The following TRAPPC9 variants were observed in gnomAD, a reference collection of about 807,000 sequenced individuals.
TRAPPC9 encodes the protein trafficking protein particle complex subunit 9.
TRAPPC9 carries 83 observed loss-of-function variants against 124.0 expected under a neutral mutation model. The ratio of observed to expected loss-of-function variants is 0.67; its 90% confidence interval spans 0.56 to 0.80. The LOEUF is 0.80. Among genes scored for constraint, TRAPPC9 ranks in the 30% least tolerant of loss-of-function variants. The pLI is 0.00. For missense variants in TRAPPC9, 1,302 were observed against 1,508.3 expected (o/e 0.86, Z 2.27); for synonymous variants, 638 against 617.5 (o/e 1.03, Z -0.49).
chr8:139,831,923 C>T (rs922899317), intron 21 of TRAPPC9, among the ~76,000 whole-genome samples: 1 of 152,206 alleles, frequency 6.6e-6, no homozygotes, highest in Non-Finnish European at 1.5e-5. Flanking sequence ...CCTTGAGTAG[C>T]CCCATTGTCC....
At chr8:140,372,028 A>G (rs2068296866) in intron 7 of TRAPPC9, among the ~76,000 whole-genome samples, 1 of 152,172 alleles carries the variant, frequency 6.6e-6, no homozygotes, top group African/African-American at 2.4e-5. Context: ...TTCAGCACCT[A>G]CTGTATGGCA....
At chr8:140,221,123 A>G (rs2063329116) in intron 17 of TRAPPC9, among the ~76,000 whole-genome samples, 1 of 152,236 alleles carries the variant, frequency 6.6e-6, no homozygotes, top group African/African-American at 2.4e-5. Flanking sequence ...AAAAATGTAC[A>G]GGGTAAACAT....
intron 21 of TRAPPC9, among the ~76,000 whole-genome samples, chr8:139,833,572 C>T (rs964324274): frequency 4.6e-5 from 7 of 152,250 alleles, no homozygotes; most frequent in South Asian, 2.1e-4. Context: ...TTTCCTTACT[C>T]GAAGCGGAGG....
chr8:140,081,424 C>T (rs1057145187), intron 17 of TRAPPC9, among the ~76,000 whole-genome samples: 4 of 148,378 alleles, frequency 2.7e-5, no homozygotes, highest in African/African-American at 4.9e-5. Context: ...CAGCTCACTA[C>T]GACCTCCGCC....
chr8:139,808,717 G>A (rs1824231593), intron 21 of TRAPPC9, among the ~76,000 whole-genome samples: 1 of 152,010 alleles, frequency 6.6e-6, no homozygotes, highest in Non-Finnish European at 1.5e-5. Flanking sequence ...GCATAATATG[G>A]GGCCTTTTGT....
At chr8:140,108,196 T>C (rs1242204979) in intron 17 of TRAPPC9, among the ~76,000 whole-genome samples, 1 of 152,066 alleles carries the variant, frequency 6.6e-6, no homozygotes, top group East Asian at 1.9e-4. Context: ...AGAAGGTAAA[T>C]AGCCAACTAC....
At chr8:139,878,865 C>T (rs1183619930) in intron 21 of TRAPPC9, among the ~76,000 whole-genome samples, 2 of 152,240 alleles carry the variant, frequency 1.3e-5, no homozygotes, top group South Asian at 2.1e-4. Flanking sequence ...GCGAGAGGAT[C>T]GCTGAGCCCA....
At chr8:139,847,458 AAT>A (rs1563859949) in intron 21 of TRAPPC9, among the ~76,000 whole-genome samples, 1 of 152,152 alleles carries the variant, frequency 6.6e-6, no homozygotes, top group Non-Finnish European at 1.5e-5. Flanking sequence ...CTTGCAGACC[AAT>A]GAGGAAACCC....
At chr8:140,419,219 G>C (rs991867982) in intron 5 of TRAPPC9, among the ~76,000 whole-genome samples, 1 of 152,104 alleles carries the variant, frequency 6.6e-6, no homozygotes, top group Non-Finnish European at 1.5e-5. Context: ...AGGAGGTCAG[G>C]AGATTGAGAC....
At chr8:140,255,847 C>G (rs2064241113) in intron 15 of TRAPPC9, among the ~76,000 whole-genome samples, 1 of 152,136 alleles carries the variant, frequency 6.6e-6, no homozygotes, top group Admixed American at 6.5e-5. Flanking sequence ...GGTCGCGCCA[C>G]TACACTCCAG....
In TRAPPC9 at chr8:140,275,701, T is replaced by C. The variant is rs1360301081; in HGVS notation, c.2235A>G (p.Pro745=). ...TCGAGGTGACCTCCAGTTTCTCCAA[T>C]GGTTCCATTCCAATATTTTCCAATT... The part of the protein sequence containing the change: ...IIKLENIGME[P]LEKLEVTSKV... Residue 745 remains proline, a synonymous_variant, in exon 15 of 23, where the codon CCA becomes CCG. Transcript: ENST00000438773. 1.2e-6 allele frequency: 2 copies of C among 1,614,244 alleles called. No individual in the cohort carries two copies. The highest frequency in any genetic ancestry group is 1.1e-5 in the South Asian group (1 of 91,078).
rs188605980 is a variant in TRAPPC9, at chr8:140,092,063, T to A, written c.2557-67984A>T. 8.8e-3 allele frequency among the ~76,000 whole-genome samples: 1,294 copies of A among 147,382 alleles called. 5 individuals are homozygous for A. The highest frequency in any genetic ancestry group is 0.015 in the Non-Finnish European group (1,004 of 67,340). On this transcript the variant is annotated intron_variant, in intron 17 of 22. Coordinates refer to ENST00000438773, the MANE Select transcript of TRAPPC9 (RefSeq NM_001160372.4). ...CTGCCGGCCAGCTCCACTTAGCCAA[T>A]TTCCAAGCACTCCAAAAAAAAAAAA...
intron 17 of TRAPPC9, among the ~76,000 whole-genome samples, chr8:140,214,385 T>C (rs2063141285): frequency 6.6e-6 from 1 of 152,236 alleles, no homozygotes; most frequent in South Asian, 2.1e-4. Context: ...ACCCGACATC[T>C]ACCTGTTCCA....
intron 17 of TRAPPC9, among the ~76,000 whole-genome samples, chr8:140,074,143 G>C (rs959011668): frequency 6.6e-6 from 1 of 152,110 alleles, no homozygotes; most frequent in Non-Finnish European, 1.5e-5. Flanking sequence ...CAGACAGCAC[G>C]GAATGAGTAG....
intron 17 of TRAPPC9, among the ~76,000 whole-genome samples, chr8:140,025,942 C>T (rs190050576): frequency 9.6e-4 from 146 of 152,314 alleles, no homozygotes; most frequent in Non-Finnish European, 7.6e-4. Context: ...TCATCCATTT[C>T]CGTCCCCAGA....
At chr8:140,393,250 T>C (rs1371661382) in intron 7 of TRAPPC9, among the ~76,000 whole-genome samples, 1 of 151,964 alleles carries the variant, frequency 6.6e-6, no homozygotes, top group African/African-American at 2.4e-5. Context: ...ATTCCCATTT[T>C]ATAGACTTGG....
intron 7 of TRAPPC9, among the ~76,000 whole-genome samples, chr8:140,376,394 A>G (rs1046942405): frequency 2.2e-4 from 33 of 151,874 alleles, no homozygotes; most frequent in African/African-American, 7.7e-4. Context: ...GTCTCTACTA[A>G]AAATACAAAA....
At chr8:140,289,357 C>G (rs1208975322) in intron 12 of TRAPPC9, among the ~76,000 whole-genome samples, 1 of 152,132 alleles carries the variant, frequency 6.6e-6, no homozygotes. Flanking sequence ...ATGTGTGGAA[C>G]AGATGCAGCA....
intron 9 of TRAPPC9, among the ~76,000 whole-genome samples, chr8:140,318,937 G>A (rs193111422): frequency 1.3e-5 from 2 of 152,262 alleles, no homozygotes; most frequent in Admixed American, 6.5e-5. Flanking sequence ...ACCATAAGAG[G>A]AATAAAAGGA....
Sources: gnomAD v4.1 joint callset for allele counts (sites outside exome capture counted in the v4.1 genomes callset) on GRCh38, gnomAD v4.1.1 for gene constraint, MANE v1.5 for transcripts, NCBI Gene and HGNC (gene_info 2026-07-23, HGNC 2026-07-21) for gene names.